Variants in ZBTB7C observed in about 807,000 individuals in gnomAD.
ZBTB7C encodes zinc finger and BTB domain-containing protein 7C.
In ZBTB7C, 8 loss-of-function variants were observed where a neutral mutation model predicts 25.7. The observed-to-expected ratio is 0.31, with a 90% CI of 0.18 to 0.56. ZBTB7C has a LOEUF of 0.56. Ranked by LOEUF, ZBTB7C falls within the 20% of genes least tolerant of loss-of-function variation. The pLI, the probability that ZBTB7C is intolerant of heterozygous loss-of-function variation, is 0.91. For missense variants in ZBTB7C, 824 were observed against 855.2 expected, an observed-to-expected ratio of 0.96 and a Z score of 0.46; for synonymous variants, 394 against 369.0, an observed-to-expected ratio of 1.07 and a Z score of -0.78.
At position 48,227,019 on chromosome 18, in the gene ZBTB7C, CAA is replaced by C. The variant is rs1187830776; in HGVS notation, c.-78-41026_-78-41025del. On this transcript the variant is annotated intron_variant, in intron 2 of 4. Coordinates refer to ENST00000590800, the MANE Select transcript of ZBTB7C (RefSeq NM_001318841.2). Reference sequence around the variant, plus strand: ...TGGGCAATAGAGTGAGACTCCATCTCAAAAAAAAAAAAAAAAAAAGAAAAAGA... The same window carrying C: ...TGGGCAATAGAGTGAGACTCCATCTCAAAAAAAAAAAAAAAAAGAAAAAGA... Among the ~76,000 whole-genome samples the C allele has an allele frequency of 7.4e-3, 415 of 56,130 alleles. 2 individuals are homozygous for C. Among genetic ancestry groups the C allele is most frequent in the African/African-American group, 0.021 (361 of 17,036 alleles). The allele number at this position is 56,130 out of a possible 152,430, so 36.8% of individuals were successfully genotyped here. A position where few individuals can be genotyped will look rare whatever the true frequency, so the allele number is the denominator to read the frequency against.
chr18:48,074,014 C>CTTT (rs575904548), intron 3 of ZBTB7C, among the ~76,000 whole-genome samples: 1 of 138,642 alleles, frequency 7.2e-6, no homozygotes, highest in Non-Finnish European at 1.6e-5. Context: ...AGAAAAATTT[C>CTTT]TTTTTTTTTT....
At chr18:48,289,701 G>A (rs1247118644) in intron 2 of ZBTB7C, among the ~76,000 whole-genome samples, 1 of 152,098 alleles carries the variant, frequency 6.6e-6, no homozygotes, top group Non-Finnish European at 1.5e-5. Flanking sequence ...TACCCCCATG[G>A]ATTTTACAAT....
chr18:48,107,489 A>G (rs1206360619), intron 3 of ZBTB7C, among the ~76,000 whole-genome samples: 1 of 152,108 alleles, frequency 6.6e-6, no homozygotes, highest in East Asian at 1.9e-4. Context: ...TGCCAGGCAC[A>G]CAGCAGGCTG....
At chr18:48,250,542 T>C (rs539860570) in intron 2 of ZBTB7C, among the ~76,000 whole-genome samples, 2 of 152,284 alleles carry the variant, frequency 1.3e-5, no homozygotes, top group African/African-American at 4.8e-5. Flanking sequence ...ATCTCTCTTT[T>C]GCTCCACTGT....
At chr18:48,205,125 G>A (rs540543020) in intron 2 of ZBTB7C, among the ~76,000 whole-genome samples, 115 of 152,148 alleles carry the variant, frequency 7.6e-4, no homozygotes, top group African/African-American at 2.6e-3. Flanking sequence ...GGGTAGCCAG[G>A]AAGTATTTAC....
At chr18:48,082,457 C>A (rs1172929476) in intron 3 of ZBTB7C, among the ~76,000 whole-genome samples, 4 of 152,176 alleles carry the variant, frequency 2.6e-5, no homozygotes, top group African/African-American at 9.7e-5. Flanking sequence ...AGGCCCTCAG[C>A]AGGGAAGCAA....
intron 3 of ZBTB7C, among the ~76,000 whole-genome samples, chr18:48,055,181 G>A (rs532913989): frequency 3.3e-5 from 5 of 151,936 alleles, no homozygotes; most frequent in South Asian, 4.2e-4. Context: ...AGGCTGAGGC[G>A]GGAGGATCAT....
chr18:48,256,274 T>C (rs146643486), intron 2 of ZBTB7C, among the ~76,000 whole-genome samples: 1,567 of 150,742 alleles, frequency 0.01, 15 homozygotes, highest in South Asian at 0.039. Context: ...CCAGGGTGAG[T>C]GGAGGGGAAG....
At chr18:48,185,254 G>C (rs2145127091) in intron 3 of ZBTB7C, 1 of 402,966 alleles carries the variant, frequency 2.5e-6, no homozygotes, top group Admixed American at 3.1e-5. Context: ...TCTCCAGGAA[G>C]TCTTCCCTAA....
intron 2 of ZBTB7C, among the ~76,000 whole-genome samples, chr18:48,237,143 T>C (rs2043401703): frequency 6.6e-6 from 1 of 152,182 alleles, no homozygotes; most frequent in African/African-American, 2.4e-5. Context: ...AACTCCAGTT[T>C]CCTGTTAATG....
At chr18:48,120,909 A>T (rs544523671) in intron 3 of ZBTB7C, among the ~76,000 whole-genome samples, 1 of 152,362 alleles carries the variant, frequency 6.6e-6, no homozygotes, top group East Asian at 1.9e-4. Flanking sequence ...TCCCTGGAAC[A>T]CCAGCCCTGA....
intron 3 of ZBTB7C, among the ~76,000 whole-genome samples, chr18:48,081,512 G>A (rs1733473969): frequency 6.6e-6 from 1 of 150,752 alleles, no homozygotes; most frequent in Admixed American, 6.6e-5. Context: ...AGGCTGGAGT[G>A]CAGTGGTGCA....
At chr18:48,116,457 C>G (rs1381345310) in intron 3 of ZBTB7C, among the ~76,000 whole-genome samples, 2 of 152,256 alleles carry the variant, frequency 1.3e-5, no homozygotes, top group African/African-American at 2.4e-5. Flanking sequence ...TGCATCCACA[C>G]CAAATGCTGG....
intron 3 of ZBTB7C, chr18:48,148,402 G>C (rs2144873071): frequency 6.6e-6 from 1 of 152,288 alleles, no homozygotes; most frequent in East Asian, 1.9e-4. Context: ...GACATGATGG[G>C]AAATACTGGT....
chr18:48,123,986 C>G (rs563894179), intron 3 of ZBTB7C, among the ~76,000 whole-genome samples: 1 of 152,136 alleles, frequency 6.6e-6, no homozygotes, highest in African/African-American at 2.4e-5. Flanking sequence ...TGGTTTCTTT[C>G]CTGCAGGGCT....
chr18:48,244,308 G>A (rs139718732), intron 2 of ZBTB7C, among the ~76,000 whole-genome samples: 2,614 of 152,196 alleles, frequency 0.017, 34 homozygotes, highest in Middle Eastern at 0.075. Flanking sequence ...CCAGCTACTC[G>A]GGAGGCTGAG....
chr18:48,114,449 A>G (rs1287857752), intron 3 of ZBTB7C, among the ~76,000 whole-genome samples: 1 of 152,058 alleles, frequency 6.6e-6, no homozygotes, highest in African/African-American at 2.4e-5. Flanking sequence ...AAAAATACAA[A>G]AATTAGCTGG....
At position 48,081,871 on chromosome 18, in the gene ZBTB7C, C is replaced by CAA. The variant is rs368718479; in HGVS notation, c.-16-40750_-16-40749dup. On this transcript the variant is annotated intron_variant, in intron 3 of 4. Coordinates refer to ENST00000590800, the MANE Select transcript of ZBTB7C (RefSeq NM_001318841.2). ...ACACTGGATTTTGAAGATTTAGTAC[C>CAA]AAAAAAAAAGATAGATATAGCATTA... Among the ~76,000 whole-genome samples, 111 of 148,784 alleles carry CAA rather than the reference C, an allele frequency of 7.5e-4. 1 individual carries two copies. The highest frequency in any genetic ancestry group is 2.5e-3 in the African/African-American group (101 of 40,472).
At chr18:48,186,121 T>A (rs1322958495) in intron 2 of ZBTB7C, 126 bp from the exon 3 acceptor site, 1 of 152,474 alleles carries the variant, frequency 6.6e-6, no homozygotes, top group Non-Finnish European at 1.5e-5. Context: ...CACTCTCCCC[T>A]CCCCAGGCAC....
Sources: allele counts gnomAD v4.1 joint callset (sites outside exome capture counted in the v4.1 genomes callset), GRCh38; gene constraint gnomAD v4.1.1; transcripts MANE v1.5; gene names NCBI Gene and HGNC (gene_info 2026-07-23, HGNC 2026-07-21).